KCNH7: variants seen among roughly 807,000 people sequenced by gnomAD.
KCNH7 encodes the protein voltage-gated inwardly rectifying potassium channel KCNH7.
KCNH7 carries 49 observed loss-of-function variants against 120.8 expected under a neutral mutation model. The ratio of observed to expected loss-of-function variants is 0.41; its 90% confidence interval spans 0.32 to 0.51. The LOEUF is 0.51. Among genes scored for constraint, KCNH7 ranks in the 20% least tolerant of loss-of-function variants. The pLI is 0.38. For synonymous variants in KCNH7, 547 were observed against 516.1 expected (o/e 1.06, Z -0.81); for missense variants, 1,097 against 1,446.6 (o/e 0.76, Z 3.92).
chr2:162,380,930 A>G (rs1686397099), intron 13 of KCNH7, among the ~76,000 whole-genome samples: 1 of 152,050 alleles, frequency 6.6e-6, no homozygotes, highest in South Asian at 2.1e-4. Context: ...CCTACAATCT[A>G]TATTTTAAGC....
intron 2 of KCNH7, among the ~76,000 whole-genome samples, chr2:162,606,428 GTTGA>G (rs1186631607): frequency 6.6e-6 from 1 of 152,076 alleles, no homozygotes; most frequent in Non-Finnish European, 1.5e-5. Context: ...TAAATGAAAA[GTTGA>G]TTAATTTTTA....
At chr2:162,399,510 A>ATCCC (rs1687010448) in intron 10 of KCNH7, among the ~76,000 whole-genome samples, 1 of 151,576 alleles carries the variant, frequency 6.6e-6, no homozygotes, top group African/African-American at 2.4e-5. Flanking sequence ...TCCTAATGCT[A>ATCCC]TCCCTCCCCT....
chr2:162,602,948 CTTTTTTT>C (rs569735028), intron 2 of KCNH7, among the ~76,000 whole-genome samples: 2 of 135,094 alleles, frequency 1.5e-5, no homozygotes, highest in Admixed American at 1.5e-4. Context: ...AGCTGGAGGA[CTTTTTTT>C]TTTTTTTGGT....
chr2:162,372,591 T>C lies in KCNH7; in HGVS notation c.3325-496A>G, dbSNP rs548051092. On this transcript the variant is annotated intron_variant, in intron 15 of 15. Coordinates refer to ENST00000332142, the MANE Select transcript of KCNH7 (RefSeq NM_033272.4). ...ATTCAAAACTAGTTAAATTAATTTC[T>C]ACTTTCAGATTTTTAGAAGTATTGC... Among the ~76,000 whole-genome samples, 370 of 152,152 alleles carry C rather than the reference T, an allele frequency of 2.4e-3. 3 individuals carry two copies. Among genetic ancestry groups the C allele is most frequent in the South Asian group, 7.3e-3 (35 of 4,820 alleles).
At chr2:162,814,568 A>C (rs1684852300) in intron 2 of KCNH7, among the ~76,000 whole-genome samples, 1 of 152,202 alleles carries the variant, frequency 6.6e-6, no homozygotes, top group Non-Finnish European at 1.5e-5. Context: ...ATTCTCACAC[A>C]ATAAGATGTA....
intron 2 of KCNH7, among the ~76,000 whole-genome samples, chr2:162,812,980 G>A (rs1383476913): frequency 2.0e-5 from 3 of 152,026 alleles, no homozygotes; most frequent in African/African-American, 7.2e-5. Flanking sequence ...GCAAATGCAA[G>A]GAGAAGATGA....
chr2:162,548,144 C>T (rs958837020), intron 2 of KCNH7, among the ~76,000 whole-genome samples: 9 of 152,104 alleles, frequency 5.9e-5, no homozygotes, highest in African/African-American at 1.7e-4. Context: ...TGGGTAGAAA[C>T]GATATCCTGG....
At chr2:162,693,286 C>T (rs893420388) in intron 2 of KCNH7, among the ~76,000 whole-genome samples, 4 of 152,110 alleles carry the variant, frequency 2.6e-5, no homozygotes, top group African/African-American at 9.7e-5. Flanking sequence ...TGATCACATC[C>T]AGCACACATG....
intron 2 of KCNH7, among the ~76,000 whole-genome samples, chr2:162,607,497 T>G (rs909058978): frequency 6.6e-6 from 1 of 152,120 alleles, no homozygotes; most frequent in African/African-American, 2.4e-5. Context: ...TATTTGCCAA[T>G]GGACATTCAT....
At chr2:162,671,785 C>G (rs12692655) in intron 2 of KCNH7, among the ~76,000 whole-genome samples, 9 of 151,524 alleles carry the variant, frequency 5.9e-5, no homozygotes, top group Non-Finnish European at 1.3e-4. Context: ...AAGGACCAAG[C>G]AAATTGAATC....
At chr2:162,572,953 C>T (rs990291444) in intron 2 of KCNH7, among the ~76,000 whole-genome samples, 10 of 151,834 alleles carry the variant, frequency 6.6e-5, no homozygotes, top group African/African-American at 1.5e-4. Context: ...TGCTAGATGA[C>T]GAGTTAGTGG....
At chr2:162,576,655 G>T (rs1211283295) in intron 2 of KCNH7, among the ~76,000 whole-genome samples, 1 of 107,044 alleles carries the variant, frequency 9.3e-6, no homozygotes, top group Non-Finnish European at 1.9e-5. Context: ...GGGTTTTTTG[G>T]GGTTTTTTTT....
At chr2:162,604,685 G>C (rs1196114788) in intron 2 of KCNH7, among the ~76,000 whole-genome samples, 5 of 152,014 alleles carry the variant, frequency 3.3e-5, no homozygotes, top group Admixed American at 3.3e-4. Flanking sequence ...AGCTAATCTG[G>C]AGGTCTTCCT....
At chr2:162,807,786 G>C (rs954926188) in intron 2 of KCNH7, among the ~76,000 whole-genome samples, 1 of 152,066 alleles carries the variant, frequency 6.6e-6, no homozygotes, top group South Asian at 2.1e-4. Flanking sequence ...AGGTTCAAGC[G>C]ATTCTCCTGC....
intron 4 of KCNH7, among the ~76,000 whole-genome samples, chr2:162,517,382 A>T (rs919214598): frequency 1.3e-5 from 2 of 151,834 alleles, no homozygotes; most frequent in African/African-American, 2.4e-5. Flanking sequence ...GGGCATGATC[A>T]TTTGCTAAAT....
At chr2:162,694,378 G>A (rs893721318) in intron 2 of KCNH7, among the ~76,000 whole-genome samples, 5 of 152,172 alleles carry the variant, frequency 3.3e-5, no homozygotes, top group African/African-American at 1.2e-4. Flanking sequence ...GCTTTAAATA[G>A]TTCTATTTTA....
At chr2:162,565,846 A>C (rs1004556637) in intron 2 of KCNH7, among the ~76,000 whole-genome samples, 1 of 152,104 alleles carries the variant, frequency 6.6e-6, no homozygotes, top group Non-Finnish European at 1.5e-5. Context: ...TTGCATTCAA[A>C]TATTAACTTT....
chr2:162,420,868 G>A (rs779234518), intron 9 of KCNH7, among the ~76,000 whole-genome samples: 1 of 152,012 alleles, frequency 6.6e-6, no homozygotes, highest in Non-Finnish European at 1.5e-5. Flanking sequence ...TTTAAACTGC[G>A]ATTAAATTAC....
chr2:162,739,466 CT>C (rs1688040716), intron 2 of KCNH7, among the ~76,000 whole-genome samples: 1 of 152,256 alleles, frequency 6.6e-6, no homozygotes, highest in African/African-American at 2.4e-5. Context: ...TCTTTTCTAC[CT>C]GCTGGTTTTG....
Sources: gnomAD v4.1 joint callset for allele counts (sites outside exome capture counted in the v4.1 genomes callset) on GRCh38, gnomAD v4.1.1 for gene constraint, MANE v1.5 for transcripts, NCBI Gene and HGNC (gene_info 2026-07-23, HGNC 2026-07-21) for gene names.